Variants in DST observed in about 807,000 individuals in gnomAD.
The protein encoded by DST is bullous pemphigoid antigen.
In DST, 253 loss-of-function variants were observed where a neutral mutation model predicts 875.2. The observed-to-expected ratio is 0.29, with a 90% CI of 0.26 to 0.32. The LOEUF is 0.32. DST is among the 10% of genes least tolerant of loss of function. DST has a pLI of 1.00. For synonymous variants in DST, 3,124 were observed against 3,197.1 expected (o/e 0.98, Z 0.77); for missense variants, 8,287 against 9,111.6 (o/e 0.91, Z 3.68).
At chr6:56,623,758 C>A (rs1411262476) in intron 36 of DST, among the ~76,000 whole-genome samples, 2 of 152,060 alleles carry the variant, frequency 1.3e-5, no homozygotes, top group Admixed American at 6.5e-5. Context: ...ATAGAAAGTA[C>A]ATCAAGATAA....
In DST at chr6:56,651,208, T is replaced by C. The variant is rs1243447223; in HGVS notation, c.1251A>G (p.Gln417=). 2.5e-6 allele frequency: 4 copies of C among 1,610,886 alleles called. No individual in the cohort carries two copies. Among genetic ancestry groups the C allele is most frequent in the Non-Finnish European group, 3.4e-6 (4 of 1,178,490 alleles). The change falls in exon 11 of 104, where the codon CAA becomes CAG. Residue 417 remains glutamine, a synonymous_variant. Transcript: ENST00000680361. ...DLIDMNTVAV[Q]SNLANLEHAF... Reference sequence around the variant, plus strand: ...CATGCTCTAAATTTGCAAGGTTGCTTTGAACAGCAACAGTATTCATATCTA... The same window carrying C: ...CATGCTCTAAATTTGCAAGGTTGCTCTGAACAGCAACAGTATTCATATCTA...
Position 56,518,423 on chromosome 6 carries a change from T to C in DST, c.18130-803A>G, listed in dbSNP as rs190077216. Among the ~76,000 whole-genome samples the C allele has an allele frequency of 1.7e-4, 26 of 152,280 alleles. No homozygotes were observed. In the South Asian group the frequency reaches 3.1e-3, roughly 18 times the overall value. On this transcript the variant is annotated intron_variant, in intron 69 of 103. Coordinates refer to ENST00000680361, the MANE Select transcript of DST (RefSeq NM_001374736.1). ...GGATGACACTGTATAAACAGCTTCA[T>C]ATCCTGCTTTTTCATTTAGTATGAA...
Position 56,504,112 on chromosome 6 carries a change from T to C in DST, c.19465-14A>G. ...GTCAAATACCGCCTGAAAGACACAT[T>C]CGCCCACGTGTTGTTACAACAGTAC... On this transcript the variant is annotated splice_polypyrimidine_tract_variant and intron_variant, in intron 77 of 103. Coordinates refer to ENST00000680361, the MANE Select transcript of DST (RefSeq NM_001374736.1). 6.3e-7 allele frequency: 1 copy of C among 1,574,964 alleles called. No individual in the cohort carries two copies. The highest frequency in any genetic ancestry group is 8.7e-7 in the Non-Finnish European group (1 of 1,148,800).
At chr6:56,603,491 A>G in intron 41 of DST, 71 bp from the exon 42 acceptor site, 1 of 1,591,332 alleles carries the variant, frequency 6.3e-7, no homozygotes, top group Non-Finnish European at 8.6e-7. Context: ...GAAACATAGA[A>G]GTGTTCTGCT....
chr6:56,899,445 C>T (rs1464631637), intron 3 of DST, among the ~76,000 whole-genome samples: 1 of 152,124 alleles, frequency 6.6e-6, no homozygotes, highest in African/African-American at 2.4e-5. Context: ...CTGAGTCAGA[C>T]ATTCTCTTGG....
chr6:56,647,318 G>C (rs1268751111), intron 13 of DST, among the ~76,000 whole-genome samples: 1 of 152,172 alleles, frequency 6.6e-6, no homozygotes, highest in Non-Finnish European at 1.5e-5. Context: ...TGTCCATGTA[G>C]GGAAACATCA....
At chr6:56,640,086 A>G in intron 18 of DST, 29 bp from the exon 19 acceptor site, 1 of 1,613,996 alleles carries the variant, frequency 6.2e-7, no homozygotes, top group South Asian at 1.1e-5. Flanking sequence ...TAAGTTTAAA[A>G]AAGAAATTGA....
In DST at chr6:56,851,449, A is replaced by C; in HGVS notation, c.573T>G (p.Ile191Met). ...LPKHERSKRK[I>M]QGGSVLDPAE... ...CAGGGTCCAGCACTGAGCCCCCTTG[A>C]ATCTTTCTTTTCGATCTCTCATGTT... The change falls in exon 4 of 104, where the codon ATT becomes ATG. Residue 191 changes from isoleucine (I) to methionine (M), a missense_variant. This residue lies in a region of DST where 1,160 missense variants were observed against 1,424.3 expected (regional missense o/e 0.81). Transcript: ENST00000680361. The C allele has an allele frequency of 1.3e-5, 21 of 1,613,946 alleles. No homozygotes were observed. Among genetic ancestry groups the C allele is most frequent in the Non-Finnish European group, 1.8e-5 (21 of 1,179,894 alleles).
At chr6:56,549,648 G>T (rs1224441496) in intron 61 of DST, among the ~76,000 whole-genome samples, 1 of 152,062 alleles carries the variant, frequency 6.6e-6, no homozygotes, top group East Asian at 1.9e-4. Context: ...TCATATCACG[G>T]CACCTACATA....
At chr6:56,670,228 T>A (rs1040579436) in intron 10 of DST, among the ~76,000 whole-genome samples, 5 of 148,954 alleles carry the variant, frequency 3.4e-5, no homozygotes, top group African/African-American at 9.8e-5. Flanking sequence ...GATTTTTAAA[T>A]TTTTTTTTTT....
intron 4 of DST, among the ~76,000 whole-genome samples, chr6:56,774,247 C>A (rs185531371): frequency 1.1e-3 from 162 of 152,212 alleles, no homozygotes; most frequent in African/African-American, 3.7e-3. Flanking sequence ...ATCTACCTGA[C>A]CCAAACTTAC....
intron 61 of DST, among the ~76,000 whole-genome samples, chr6:56,545,948 A>G (rs1562691122): frequency 6.6e-6 from 1 of 152,218 alleles, no homozygotes. Flanking sequence ...AACTGAAGGC[A>G]TGCTATATTT....
intron 9 of DST, among the ~76,000 whole-genome samples, chr6:56,676,840 G>C (rs2099132951): frequency 6.6e-6 from 1 of 152,120 alleles, no homozygotes; most frequent in Non-Finnish European, 1.5e-5. Flanking sequence ...TGAACTCATA[G>C]AAGTGGGGAG....
chr6:56,864,758 G>T, intron 3 of DST, among the ~76,000 whole-genome samples: 1 of 151,960 alleles, frequency 6.6e-6, no homozygotes, highest in Non-Finnish European at 1.5e-5. Context: ...AAAATAAAAA[G>T]ATAAAACAAA....
rs752248017 is a variant in DST at position 56,639,661 on chromosome 6, TAAGGG to T, written c.2697+30_2697+34del. ...GAATCATGTTTTTGCCAAATATAGA[TAAGGG>T]AAACAGAAGGTTTAAAAAAAAAAAC... On this transcript the variant is annotated intron_variant, in intron 20 of 103. Coordinates refer to ENST00000680361, the MANE Select transcript of DST (RefSeq NM_001374736.1). The T allele has an allele frequency of 2.4e-5, 38 of 1,612,416 alleles. No individual in the cohort carries two copies. In the African/African-American group the frequency reaches 4.3e-4, roughly 18 times the overall value.
chr6:56,475,827 T>G (rs1335213499), intron 92 of DST, among the ~76,000 whole-genome samples: 4 of 151,716 alleles, frequency 2.6e-5, no homozygotes, highest in Non-Finnish European at 5.9e-5. Context: ...GTGAGAGAAA[T>G]AGAGAGCTGA....
intron 36 of DST, chr6:56,619,130 T>C (rs1206661727): frequency 6.2e-7 from 1 of 1,613,506 alleles, no homozygotes; most frequent in Middle Eastern, 1.7e-4. Flanking sequence ...TGTTTTTGTC[T>C]GTTTATGCAA....
At chr6:56,703,536 CTTTCTATGCT>C (rs1240819855) in intron 7 of DST, 102 bp downstream of exon 7, 5 of 255,494 alleles carry the variant, frequency 2.0e-5, no homozygotes, top group African/African-American at 1.2e-4. Context: ...GGTTTTGGCC[CTTTCTATGCT>C]TTTCTAAAAA....
At chr6:56,692,682 C>T (rs1481921175) in intron 9 of DST, 54 of 1,289,604 alleles carry the variant, frequency 4.2e-5, no homozygotes, top group Non-Finnish European at 5.5e-5. Flanking sequence ...AATGTTTCTT[C>T]CTCTTTGCGC....
Sources: allele counts gnomAD v4.1 joint callset (sites outside exome capture counted in the v4.1 genomes callset), GRCh38; gene constraint gnomAD v4.1.1; regional missense constraint gnomAD v4.1.1; transcripts MANE v1.5; gene names NCBI Gene and HGNC (gene_info 2026-07-23, HGNC 2026-07-21).